PRKN: variants seen among roughly 807,000 people sequenced by gnomAD.
PRKN encodes parkin RBR E3 ubiquitin protein ligase.
A neutral mutation model predicts 59.5 loss-of-function variants in PRKN; 56 were observed. The observed-to-expected ratio is 0.94, with a 90% CI of 0.76 to 1.18. The LOEUF is 1.18. Ranked by LOEUF, PRKN falls within the 50% of genes most tolerant of loss-of-function variation. The probability of loss-of-function intolerance (pLI) is 0.00; values close to 1 mark genes in which losing one functional copy is unlikely to be tolerated. For synonymous variants in PRKN, 250 were observed against 222.1 expected, an observed-to-expected ratio of 1.13 and a Z score of -1.12; for missense variants, 657 against 596.4, an observed-to-expected ratio of 1.10 and a Z score of -1.06.
intron 1 of PRKN, among the ~76,000 whole-genome samples, chr6:162,633,002 G>A (rs1052340056): frequency 9.2e-5 from 14 of 152,002 alleles, no homozygotes; most frequent in South Asian, 2.1e-4. Flanking sequence ...ATAGTGTTAA[G>A]TTTCAATACT....
Position 161,829,849 on chromosome 6 carries a change from CAA to C in PRKN, c.735-43943_735-43942del, listed in dbSNP as rs11457054. Among the ~76,000 whole-genome samples, 443 of 86,408 alleles carry C rather than the reference CAA, an allele frequency of 5.1e-3. 3 individuals carry two copies. The highest frequency in any genetic ancestry group is 0.012 in the African/African-American group (367 of 29,412). 56.7% of individuals were successfully genotyped at this position (86,408 alleles called of 152,430 possible). ...CTTCATGCCACTTAGCACTAAATGC[CAA>C]AAAAAAAAAAAAAAAAAATGCCAAT... On this transcript the variant is annotated intron_variant, in intron 6 of 11. Transcript: ENST00000366898.
intron 5 of PRKN, among the ~76,000 whole-genome samples, chr6:162,022,515 A>G (rs1783245733): frequency 6.6e-6 from 1 of 151,776 alleles, no homozygotes; most frequent in African/African-American, 2.4e-5. Context: ...GTCCCCTTTT[A>G]ACCGGTCTTT....
chr6:162,258,116 A>G (rs1028706161), intron 3 of PRKN, among the ~76,000 whole-genome samples: 1 of 152,098 alleles, frequency 6.6e-6, no homozygotes, highest in African/African-American at 2.4e-5. Flanking sequence ...CTCACAGTTT[A>G]GCTCATCACA....
intron 3 of PRKN, among the ~76,000 whole-genome samples, chr6:162,213,124 T>C (rs1388737333): frequency 6.6e-6 from 1 of 152,164 alleles, no homozygotes; most frequent in African/African-American, 2.4e-5. Context: ...TTTAATCTTG[T>C]CTGCAAAAAG....
rs1779857085 is a variant in PRKN at position 161,548,034 on chromosome 6, C to G, written c.1083+820G>C. Among the ~76,000 whole-genome samples, 1 of 152,198 alleles carries G rather than the reference C, an allele frequency of 6.6e-6. No individual in the cohort carries two copies. Among genetic ancestry groups the G allele is most frequent in the African/African-American group, 2.4e-5 (1 of 41,452 alleles). On this transcript the variant is annotated intron_variant, in intron 9 of 11. Coordinates refer to ENST00000366898, the MANE Select transcript of PRKN (RefSeq NM_004562.3). This position sits in a 1 kb window ranked among gnomAD's most constrained non-coding sequence, Gnocchi z 4.2. The stretch of plus-strand genomic sequence containing the variant: ...GGCTAATACAACTCTGCTATCTGTG[C>G]TCCTTCTTGCACAAAACTCCTCATG...
intron 3 of PRKN, among the ~76,000 whole-genome samples, chr6:162,204,288 T>G (rs1193928649): frequency 6.6e-6 from 1 of 152,146 alleles, no homozygotes; most frequent in Non-Finnish European, 1.5e-5. Flanking sequence ...GTCAAACCAA[T>G]TTAGGTGGTG....
At chr6:162,061,507 A>G (rs917830059) in intron 4 of PRKN, among the ~76,000 whole-genome samples, 1 of 152,130 alleles carries the variant, frequency 6.6e-6, no homozygotes, top group Non-Finnish European at 1.5e-5. Context: ...AGCCCTCCCC[A>G]GGATCATGTC....
intron 10 of PRKN, among the ~76,000 whole-genome samples, chr6:161,364,995 T>C (rs1002750392): frequency 2.6e-5 from 4 of 151,708 alleles, no homozygotes; most frequent in African/African-American, 7.3e-5. Context: ...AGTGTGAGAA[T>C]TGGATGATTC....
chr6:162,523,752 C>T (rs1053636490), intron 1 of PRKN, among the ~76,000 whole-genome samples: 1 of 152,054 alleles, frequency 6.6e-6, no homozygotes, highest in African/African-American at 2.4e-5. Context: ...CATAGTGGCT[C>T]ATGCGTATAA....
At chr6:161,700,952 G>C (rs887986823) in intron 7 of PRKN, among the ~76,000 whole-genome samples, 1 of 152,128 alleles carries the variant, frequency 6.6e-6, no homozygotes, top group Non-Finnish European at 1.5e-5. Flanking sequence ...CTGACTGCCT[G>C]GTGTTTTATT....
chr6:162,702,480 C>T (rs1778193360), intron 1 of PRKN, among the ~76,000 whole-genome samples: 1 of 151,840 alleles, frequency 6.6e-6, no homozygotes, highest in African/African-American at 2.4e-5. Context: ...TCCTGATTTT[C>T]TCCCTCAGCC....
chr6:162,118,951 A>C (rs1392564579), intron 4 of PRKN, among the ~76,000 whole-genome samples: 1 of 152,196 alleles, frequency 6.6e-6, no homozygotes, highest in East Asian at 1.9e-4. Flanking sequence ...ATCCCATTGC[A>C]TTTGTGACCA....
intron 4 of PRKN, among the ~76,000 whole-genome samples, chr6:162,107,033 C>T (rs796371674): frequency 2.0e-5 from 3 of 152,250 alleles, no homozygotes; most frequent in African/African-American, 7.2e-5. Context: ...ATCCGTATTC[C>T]CCATGCTCCA....
At chr6:162,045,275 C>T (rs755421787) in intron 5 of PRKN, among the ~76,000 whole-genome samples, 1 of 152,136 alleles carries the variant, frequency 6.6e-6, no homozygotes, top group Non-Finnish European at 1.5e-5. Context: ...ATTTTAAAAA[C>T]GATCTTTTGC....
chr6:161,638,799 T>TGGCA (rs1338186669), intron 7 of PRKN, among the ~76,000 whole-genome samples: 1 of 143,866 alleles, frequency 7.0e-6, no homozygotes, highest in Non-Finnish European at 1.5e-5. Context: ...TGGAGTGCAG[T>TGGCA]GGCACGATCT....
intron 7 of PRKN, among the ~76,000 whole-genome samples, chr6:161,623,036 G>C (rs1266269660): frequency 6.6e-6 from 1 of 152,034 alleles, no homozygotes; most frequent in Non-Finnish European, 1.5e-5. Context: ...ATGTGCTATA[G>C]CTATTTACAA....
At chr6:162,543,248 A>G (rs1418935455) in intron 1 of PRKN, among the ~76,000 whole-genome samples, 1 of 152,154 alleles carries the variant, frequency 6.6e-6, no homozygotes, top group Non-Finnish European at 1.5e-5. Context: ...TAAGCCAAGA[A>G]TATGATTGGA....
Position 162,224,176 on chromosome 6 carries a change from A to T in PRKN, c.413-22924T>A, listed in dbSNP as rs368435456. Reference sequence around the variant, plus strand: ...GACCAAGCTGAGCTATATTTGGCATATAGATACACTGAGTTTACAGAACTG... The same window carrying T: ...GACCAAGCTGAGCTATATTTGGCATTTAGATACACTGAGTTTACAGAACTG... On this transcript the variant is annotated intron_variant, in intron 3 of 11. Coordinates refer to ENST00000366898, the MANE Select transcript of PRKN (RefSeq NM_004562.3). Among the ~76,000 whole-genome samples the T allele has an allele frequency of 2.1e-4, 32 of 152,260 alleles. 1 individual carries two copies. The highest frequency in any genetic ancestry group is 7.5e-4 in the African/African-American group (31 of 41,534).
chr6:162,447,304 T>C (rs1223781346), intron 1 of PRKN, among the ~76,000 whole-genome samples: 1 of 152,148 alleles, frequency 6.6e-6, no homozygotes, highest in Non-Finnish European at 1.5e-5. Context: ...ATTCTGCTCC[T>C]CTTGGTGGAC....
Sources: allele counts gnomAD v4.1 joint callset (sites outside exome capture counted in the v4.1 genomes callset), GRCh38; gene constraint gnomAD v4.1.1; non-coding constraint Gnocchi (gnomAD v3.1); transcripts MANE v1.5; gene names NCBI Gene and HGNC (gene_info 2026-07-23, HGNC 2026-07-21).